The following DGKB variants were observed in gnomAD, a reference collection of about 807,000 sequenced individuals.
DGKB encodes diacylglycerol kinase beta.
Under a neutral mutation model 114.3 loss-of-function variants are expected in DGKB, and 67 were observed. That is an observed-to-expected ratio of 0.59 (90% CI 0.48 to 0.72). DGKB has a LOEUF of 0.72. Among genes scored for constraint, DGKB ranks in the 30% least tolerant of loss-of-function variants. DGKB has a pLI of 0.00. For missense variants in DGKB, 907 were observed against 975.2 expected, an observed-to-expected ratio of 0.93 and a Z score of 0.93; for synonymous variants, 398 against 323.1, an observed-to-expected ratio of 1.23 and a Z score of -2.49.
chr7:14,251,055 T>C (rs1795160811), intron 23 of DGKB, among the ~76,000 whole-genome samples: 1 of 152,200 alleles, frequency 6.6e-6, no homozygotes, highest in South Asian at 2.1e-4. Context: ...AGGAGGTGTA[T>C]AGCTGGATAC....
chr7:14,704,683 T>A (rs1256009724), intron 6 of DGKB, among the ~76,000 whole-genome samples: 1 of 152,044 alleles, frequency 6.6e-6, no homozygotes, highest in Non-Finnish European at 1.5e-5. Flanking sequence ...GCAGCCTAAC[T>A]GGGAGGCACC....
intron 20 of DGKB, among the ~76,000 whole-genome samples, chr7:14,543,437 C>A (rs1339735313): frequency 6.6e-6 from 1 of 151,436 alleles, no homozygotes; most frequent in Non-Finnish European, 1.5e-5. Context: ...AGAGTGACAC[C>A]CCATCTCAAA....
intron 21 of DGKB, among the ~76,000 whole-genome samples, chr7:14,420,766 C>T (rs1826537278): frequency 1.3e-5 from 2 of 152,132 alleles, no homozygotes; most frequent in South Asian, 4.1e-4. Context: ...CAAATATTAA[C>T]TAACTAAATC....
intron 12 of DGKB, among the ~76,000 whole-genome samples, chr7:14,675,620 G>C (rs1386228880): frequency 6.6e-6 from 1 of 151,500 alleles, no homozygotes; most frequent in Non-Finnish European, 1.5e-5. Context: ...AATCTAGTAT[G>C]GGATTTCCCA....
chr7:14,367,354 C>A (rs779154335), intron 21 of DGKB, among the ~76,000 whole-genome samples: 6 of 151,918 alleles, frequency 3.9e-5, no homozygotes, highest in Non-Finnish European at 7.4e-5. Context: ...CGGGTTTTTT[C>A]CCATGCTGTT....
intron 8 of DGKB, among the ~76,000 whole-genome samples, chr7:14,696,069 G>A (rs1823822509): frequency 6.6e-6 from 1 of 152,096 alleles, no homozygotes; most frequent in Non-Finnish European, 1.5e-5. Context: ...GTTGTAGAAA[G>A]ACTACTCAGC....
intron 20 of DGKB, among the ~76,000 whole-genome samples, chr7:14,564,714 C>A (rs979730452): frequency 1.3e-5 from 2 of 152,050 alleles, no homozygotes; most frequent in Non-Finnish European, 2.9e-5. Context: ...TACCAGACTT[C>A]TTAGCAGCTT....
At chr7:14,727,522 T>C (rs1586021936) in intron 5 of DGKB, among the ~76,000 whole-genome samples, 1 of 152,164 alleles carries the variant, frequency 6.6e-6, no homozygotes, top group African/African-American at 2.4e-5. Context: ...TAAATAAATA[T>C]GAATTGGCCA....
At position 14,580,865 on chromosome 7, in the gene DGKB, C is replaced by G; in HGVS notation, c.1606G>C (p.Gly536Arg). Residue 536 changes from glycine (G) to arginine (R), a missense_variant, in exon 19 of 26, where the codon GGA becomes CGA. By Grantham distance (125) the Gly-to-Arg change is moderately radical. Coordinates refer to ENST00000402815, the MANE Select transcript of DGKB (RefSeq NM_001350709.2). ...NDLARCLRWG[G>R]GYEGENLMKI... The stretch of plus-strand genomic sequence containing the variant: ...TTTGTTGTTGCAGCTGCTTTACCTC[C>G]TCCCCATCGCAGGCATCTTGCTAGA... The G allele has an allele frequency of 6.2e-7, 1 of 1,600,828 alleles. No homozygotes were observed. Among genetic ancestry groups the G allele is most frequent in the Non-Finnish European group, 8.5e-7 (1 of 1,171,282 alleles).
intron 25 of DGKB, among the ~76,000 whole-genome samples, chr7:14,166,667 G>A (rs1239402938): frequency 2.0e-5 from 3 of 152,156 alleles, no homozygotes; most frequent in Non-Finnish European, 4.4e-5. Flanking sequence ...TGAAGTTGCT[G>A]AAAAGAAAAT....
chr7:14,909,005 CTA>C (rs1783849431), intron 1 of DGKB, among the ~76,000 whole-genome samples: 1 of 149,408 alleles, frequency 6.7e-6, no homozygotes, highest in Non-Finnish European at 1.5e-5. Flanking sequence ...CTTTCTCAGT[CTA>C]TGACTGGCTG....
intron 20 of DGKB, among the ~76,000 whole-genome samples, chr7:14,505,769 G>A (rs1786944084): frequency 2.0e-5 from 3 of 152,138 alleles, no homozygotes; most frequent in Admixed American, 2.0e-4. Context: ...TGTGAATGAC[G>A]CTCAAACGCC....
intron 20 of DGKB, among the ~76,000 whole-genome samples, chr7:14,509,941 C>T (rs907446329): frequency 3.3e-5 from 5 of 152,122 alleles, no homozygotes; most frequent in Admixed American, 6.5e-5. Flanking sequence ...ATTGGGAGGC[C>T]GAGGCGGGCT....
intron 1 of DGKB, among the ~76,000 whole-genome samples, chr7:14,960,859 T>A (rs1484371226): frequency 6.6e-6 from 1 of 152,136 alleles, no homozygotes; most frequent in Non-Finnish European, 1.5e-5. Context: ...AACAAATATT[T>A]CTCTTGTCAA....
intron 16 of DGKB, 60 bp from the exon 17 acceptor site, chr7:14,607,568 A>G: frequency 1.4e-6 from 1 of 715,246 alleles, no homozygotes; most frequent in Non-Finnish European, 2.5e-6. Flanking sequence ...TAAAATAAGT[A>G]ATGTCTCTCA....
chr7:14,858,261 T>G (rs217544), intron 1 of DGKB, among the ~76,000 whole-genome samples: 17,786 of 152,258 alleles, frequency 0.12, 1,479 homozygotes, highest in Middle Eastern at 0.18. Context: ...GTATTTATGT[T>G]CTTGCCACAA....
chr7:14,309,192 G>C (rs1416115035), intron 23 of DGKB, among the ~76,000 whole-genome samples: 9 of 152,042 alleles, frequency 5.9e-5, no homozygotes, highest in Non-Finnish European at 1.3e-4. Flanking sequence ...CTCCAGTCTG[G>C]GTGACAGAGT....
chr7:14,767,131 T>C (rs573513694), intron 2 of DGKB, among the ~76,000 whole-genome samples: 12 of 151,292 alleles, frequency 7.9e-5, no homozygotes, highest in South Asian at 4.2e-4. Context: ...GAAGGCAAGA[T>C]AAATTTTTTT....
chr7:14,314,249 C>T lies in DGKB; in HGVS notation c.2122+24266G>A, dbSNP rs376524195. Among the ~76,000 whole-genome samples the T allele has an allele frequency of 1.1e-3, 164 of 152,206 alleles. 1 individual carries two copies. The East Asian group carries it at 0.022, about 21-fold the overall frequency. On this transcript the variant is annotated intron_variant, in intron 23 of 25. Coordinates refer to ENST00000402815, the MANE Select transcript of DGKB (RefSeq NM_001350709.2). ...CCTCTCCTCCTCCAAAGGAACGCAG[C>T]TCCTCACCAGCAACGGAACAAAGCT...
Sources: gnomAD v4.1 joint callset for allele counts (sites outside exome capture counted in the v4.1 genomes callset) on GRCh38, gnomAD v4.1.1 for gene constraint, MANE v1.5 for transcripts, NCBI Gene and HGNC (gene_info 2026-07-23, HGNC 2026-07-21) for gene names.